The following KIAA1328 variants were observed in gnomAD, a reference collection of about 807,000 sequenced individuals.
The protein encoded by KIAA1328 is protein hinderin.
KIAA1328 carries 52 observed loss-of-function variants against 68.1 expected under a neutral mutation model. That is an observed-to-expected ratio of 0.76 (90% CI 0.61 to 0.96). The LOEUF is 0.96. Ranked by LOEUF, KIAA1328 falls within the 40% of genes least tolerant of loss-of-function variation. The probability of loss-of-function intolerance (pLI) is 0.00; values close to 1 mark genes in which losing one functional copy is unlikely to be tolerated. For missense variants in KIAA1328, 641 were observed against 677.6 expected (o/e 0.95, Z 0.60); for synonymous variants, 232 against 239.4 (o/e 0.97, Z 0.28).
intron 6 of KIAA1328, among the ~76,000 whole-genome samples, chr18:37,018,797 T>A (rs199556885): frequency 4.7e-5 from 7 of 149,640 alleles, no homozygotes; most frequent in South Asian, 2.1e-4. Flanking sequence ...ATTTTTTTTT[T>A]AATGATTTTT....
chr18:36,955,772 T>C (rs888294379), intron 5 of KIAA1328: 4 of 17,254 alleles, frequency 2.3e-4, no homozygotes, highest in Non-Finnish European at 2.2e-3. Flanking sequence ...AGGAGAATCT[T>C]TTTTTTTTTT....
chr18:37,006,891 G>A (rs1361923610), intron 6 of KIAA1328, among the ~76,000 whole-genome samples: 1 of 152,182 alleles, frequency 6.6e-6, no homozygotes, highest in Admixed American at 6.6e-5. Context: ...AATGGTAGCT[G>A]TTGCTTATGC....
intron 5 of KIAA1328, among the ~76,000 whole-genome samples, chr18:36,893,441 GTGTGTGTGTGTGTGTGTGTGTTTT>G (rs1292555355): frequency 2.2e-5 from 3 of 137,134 alleles, no homozygotes; most frequent in Non-Finnish European, 4.8e-5. Flanking sequence ...CTATTTGTGT[GTGTGTGTGTGTGTGTGTGTGTTTT>G]TGTGTGTGTG....
intron 9 of KIAA1328, among the ~76,000 whole-genome samples, chr18:37,178,448 C>G (rs187792564): frequency 5.2e-4 from 79 of 152,278 alleles, no homozygotes; most frequent in African/African-American, 1.9e-3. Context: ...ATAGTATTCA[C>G]TGTGTATATA....
At chr18:37,196,672 C>A (rs1352117868) in intron 9 of KIAA1328, among the ~76,000 whole-genome samples, 4 of 151,838 alleles carry the variant, frequency 2.6e-5, no homozygotes, top group Non-Finnish European at 5.9e-5. Context: ...TTAATGAATT[C>A]TGTTTGCTAG....
At chr18:37,163,336 G>T (rs918845809) in intron 8 of KIAA1328, among the ~76,000 whole-genome samples, 2 of 152,160 alleles carry the variant, frequency 1.3e-5, no homozygotes, top group African/African-American at 4.8e-5. Context: ...AAGTCAGGCT[G>T]TAAAACCTGA....
intron 6 of KIAA1328, among the ~76,000 whole-genome samples, chr18:36,969,342 C>T (rs575996125): frequency 3.6e-4 from 55 of 151,950 alleles, no homozygotes; most frequent in Non-Finnish European, 7.4e-4. Flanking sequence ...ATAAACGAAG[C>T]CAGGAGCTGG....
intron 5 of KIAA1328, among the ~76,000 whole-genome samples, chr18:36,912,501 A>G (rs1391944241): frequency 6.6e-6 from 1 of 152,128 alleles, no homozygotes; most frequent in African/African-American, 2.4e-5. Flanking sequence ...CACATCTGCA[A>G]AGTCCCTTTT....
intron 6 of KIAA1328, among the ~76,000 whole-genome samples, chr18:36,988,131 G>A (rs917928621): frequency 2.6e-5 from 4 of 152,086 alleles, no homozygotes; most frequent in Admixed American, 6.6e-5. Context: ...TTTGAAACCC[G>A]CAGAAACTGG....
chr18:37,136,943 T>A (rs2058659444), intron 7 of KIAA1328, among the ~76,000 whole-genome samples: 1 of 152,232 alleles, frequency 6.6e-6, no homozygotes, highest in African/African-American at 2.4e-5. Flanking sequence ...AGTGTTTTAT[T>A]TAGTATAGCT....
chr18:36,864,595 T>G (rs2047681521), intron 4 of KIAA1328, among the ~76,000 whole-genome samples: 1 of 10,916 alleles, frequency 9.2e-5, no homozygotes, highest in Non-Finnish European at 1.5e-4. Flanking sequence ...TGGTCAGTAG[T>G]TTTTTTTTTT....
chr18:36,912,749 C>T (rs940008468), intron 5 of KIAA1328, among the ~76,000 whole-genome samples: 4 of 152,114 alleles, frequency 2.6e-5, no homozygotes, highest in Non-Finnish European at 5.9e-5. Context: ...TCAAAAGTTT[C>T]GAACCGTATG....
At position 37,062,458 on chromosome 18, in the gene KIAA1328, G is replaced by GTT. The variant is rs10712481; in HGVS notation, c.577-4421_577-4420dup. Among the ~76,000 whole-genome samples, 13 of 142,626 alleles carry GTT rather than the reference G, an allele frequency of 9.1e-5. 1 individual carries two copies. Among genetic ancestry groups the GTT allele is most frequent in the Admixed American group, 2.1e-4 (3 of 14,332 alleles). 93.6% of individuals were successfully genotyped at this position (142,626 alleles called of 152,430 possible). On this transcript the variant is annotated intron_variant, in intron 6 of 9. Transcript: ENST00000280020. ...TTTTTTTGTTTTGTTTTTTGTTTTTGTTTTTTTTTTTTGAGACAGAGTCTC... is the reference window on the plus strand; with the variant it reads ...TTTTTTTGTTTTGTTTTTTGTTTTTGTTTTTTTTTTTTTTGAGACAGAGTCTC...
rs2060583611 is a variant in KIAA1328 at position 37,222,563 on chromosome 18, A to G, written c.*336A>G. On this transcript the variant is annotated 3_prime_UTR_variant, in exon 10 of 10. Transcript: ENST00000280020. ...AGTGTTTCCTTCTCAAACTTCTGCT[A>G]GAAAATGCTGACTCACTTTTATATA... 2 of 1,101,900 alleles carry G rather than the reference A, an allele frequency of 1.8e-6. No individual in the cohort carries two copies. Among genetic ancestry groups the G allele is most frequent in the East Asian group, 6.9e-5 (1 of 14,516 alleles). The allele number at this position is 1,101,900 out of a possible 1,614,324, so 68.3% of individuals were successfully genotyped here. A position where few individuals can be genotyped will look rare whatever the true frequency, so the allele number is the denominator to read the frequency against.
intron 6 of KIAA1328, among the ~76,000 whole-genome samples, chr18:36,968,883 G>A (rs1381695513): frequency 6.6e-6 from 1 of 152,102 alleles, no homozygotes; most frequent in South Asian, 2.1e-4. Flanking sequence ...CAAACAATTG[G>A]ACATAAAACA....
chr18:37,196,357 T>C (rs2060003231), intron 9 of KIAA1328, among the ~76,000 whole-genome samples: 1 of 152,178 alleles, frequency 6.6e-6, no homozygotes, highest in Non-Finnish European at 1.5e-5. Flanking sequence ...ATTCTTGTCT[T>C]GTTCCAGATC....
Position 37,223,587 on chromosome 18 carries a change from C to G in KIAA1328, c.*1360C>G. ...GCTTTTTTTCTCTCCTTTTTACCAACCCCAACTAAACTGGGAGTAAGACTT... is the reference window on the plus strand; with the variant it reads ...GCTTTTTTTCTCTCCTTTTTACCAAGCCCAACTAAACTGGGAGTAAGACTT... On this transcript the variant is annotated 3_prime_UTR_variant, in exon 10 of 10. Transcript: ENST00000280020. 2.0e-6 allele frequency: 2 copies of G among 985,338 alleles called. No individual in the cohort carries two copies. Among genetic ancestry groups the G allele is most frequent in the Non-Finnish European group, 2.4e-6 (2 of 829,916 alleles). 61.0% of individuals were successfully genotyped at this position (985,338 alleles called of 1,614,324 possible). A position where few individuals can be genotyped will look rare whatever the true frequency, so the allele number is the denominator to read the frequency against.
intron 6 of KIAA1328, among the ~76,000 whole-genome samples, chr18:37,055,533 G>T (rs181146295): frequency 6.6e-6 from 1 of 152,170 alleles, no homozygotes; most frequent in South Asian, 2.1e-4. Context: ...ATTTATTTGG[G>T]ATGAGACTTT....
intron 7 of KIAA1328, among the ~76,000 whole-genome samples, chr18:37,118,097 C>A (rs323337): frequency 0.27 from 39,908 of 150,578 alleles, 8,377 homozygotes; most frequent in African/African-American, 0.59. Context: ...TGGGCCCTAG[C>A]AATCCTCCCA....
Sources: allele counts gnomAD v4.1 joint callset (sites outside exome capture counted in the v4.1 genomes callset), GRCh38; gene constraint gnomAD v4.1.1; transcripts MANE v1.5; gene names NCBI Gene and HGNC (gene_info 2026-07-23, HGNC 2026-07-21).